NRXN1: variants seen among roughly 807,000 people sequenced by gnomAD.
The protein encoded by NRXN1 is neurexin 1, also known as neurexin-1.
Under a neutral mutation model 150.9 loss-of-function variants are expected in NRXN1, and 39 were observed. The observed-to-expected ratio is 0.26, with a 90% CI of 0.20 to 0.34. The LOEUF (loss-of-function observed/expected upper bound fraction) is 0.34, where lower values mean the gene tolerates loss of function less well. Ranked by LOEUF, NRXN1 falls within the 10% of genes least tolerant of loss-of-function variation. The pLI is 1.00. For missense variants in NRXN1, 1,815 were observed against 1,949.9 expected (o/e 0.93, Z 1.30); for synonymous variants, 924 against 757.0 (o/e 1.22, Z -3.62).
rs1471766988 is a variant in NRXN1 at position 49,975,062 on chromosome 2, ACTT to A, written c.4129-31274_4129-31272del. On this transcript the variant is annotated intron_variant, in intron 21 of 22. Coordinates refer to ENST00000401669, the MANE Select transcript of NRXN1 (RefSeq NM_001330078.2). ...ACTGTAATAACAGATATGTTTACAC[ACTT>A]CTTCAATGTGAGATGATTATATATA... 4.0e-5 allele frequency among the ~76,000 whole-genome samples: 6 copies of A among 151,166 alleles called. No individual in the cohort carries two copies. The East Asian group carries it at 5.8e-4, about 15-fold the overall frequency.
chr2:50,143,909 C>A (rs940128465), intron 18 of NRXN1, among the ~76,000 whole-genome samples: 5 of 151,812 alleles, frequency 3.3e-5, no homozygotes, highest in African/African-American at 1.2e-4. Context: ...TAACGTTACC[C>A]GTATAGAATA....
At chr2:50,193,297 C>T (rs2152824962) in intron 18 of NRXN1, among the ~76,000 whole-genome samples, 1 of 152,306 alleles carries the variant, frequency 6.6e-6, no homozygotes, top group South Asian at 2.1e-4. Context: ...CATAGTTTCT[C>T]TAAATGTATC....
At chr2:51,000,305 T>C (rs190791335) in intron 2 of NRXN1, among the ~76,000 whole-genome samples, 1 of 152,032 alleles carries the variant, frequency 6.6e-6, no homozygotes, top group Admixed American at 6.6e-5. Context: ...ATTTTCTTTA[T>C]AGAGCTTGCC....
intron 2 of NRXN1, among the ~76,000 whole-genome samples, chr2:50,992,071 C>T (rs1698618311): frequency 6.6e-6 from 1 of 151,922 alleles, no homozygotes; most frequent in East Asian, 1.9e-4. Flanking sequence ...CAGTTTCTGT[C>T]CAATCTGCCA....
At chr2:50,537,169 A>C (rs557067746) in intron 10 of NRXN1, among the ~76,000 whole-genome samples, 1 of 152,332 alleles carries the variant, frequency 6.6e-6, no homozygotes, top group East Asian at 1.9e-4. Context: ...GGTTTTCGGC[A>C]AACTGAACTG....
At chr2:50,202,244 C>T (rs896643101) in intron 18 of NRXN1, among the ~76,000 whole-genome samples, 34 of 152,144 alleles carry the variant, frequency 2.2e-4, no homozygotes, top group Middle Eastern at 3.2e-3. Context: ...CGGTGGCTCA[C>T]GCCTGTAATC....
intron 2 of NRXN1, among the ~76,000 whole-genome samples, chr2:50,957,996 T>C (rs183879331): frequency 1.1e-3 from 175 of 152,218 alleles, no homozygotes; most frequent in African/African-American, 4.0e-3. Flanking sequence ...CTCTCTATTG[T>C]CTAAGGAAGT....
At chr2:50,312,571 C>T (rs1290678520) in intron 17 of NRXN1, among the ~76,000 whole-genome samples, 1 of 151,954 alleles carries the variant, frequency 6.6e-6, no homozygotes, top group Non-Finnish European at 1.5e-5. Flanking sequence ...TCAGCTTATT[C>T]TATTAAGTGT....
At chr2:50,977,480 T>C (rs557319601) in intron 2 of NRXN1, among the ~76,000 whole-genome samples, 3 of 152,048 alleles carry the variant, frequency 2.0e-5, no homozygotes, top group African/African-American at 7.2e-5. Context: ...CAAGACCACA[T>C]ATGCCTCAGT....
chr2:50,520,291 G>C (rs1171410939), intron 12 of NRXN1, among the ~76,000 whole-genome samples: 2 of 151,630 alleles, frequency 1.3e-5, no homozygotes, highest in Non-Finnish European at 3.0e-5. Context: ...AGGAAATTTA[G>C]CCTGTAAATT....
intron 18 of NRXN1, among the ~76,000 whole-genome samples, chr2:50,198,203 A>C (rs1250600008): frequency 6.6e-6 from 1 of 152,154 alleles, no homozygotes; most frequent in East Asian, 1.9e-4. Context: ...AAGAATAAAG[A>C]ATCTAGCAGT....
chr2:50,450,385 A>G (rs1324260606), intron 17 of NRXN1, among the ~76,000 whole-genome samples: 1 of 152,040 alleles, frequency 6.6e-6, no homozygotes, highest in Non-Finnish European at 1.5e-5. Context: ...CTGAGTATAT[A>G]TTAAACACCA....
At chr2:50,447,773 AT>A (rs2086585922) in intron 17 of NRXN1, among the ~76,000 whole-genome samples, 1 of 107,426 alleles carries the variant, frequency 9.3e-6, no homozygotes, top group Non-Finnish European at 1.9e-5. Context: ...ATATATATAT[AT>A]ATATACCTAA....
chr2:50,025,328 G>C (rs1439834824), intron 21 of NRXN1, among the ~76,000 whole-genome samples: 2 of 152,198 alleles, frequency 1.3e-5, no homozygotes, highest in Non-Finnish European at 2.9e-5. Flanking sequence ...TTGGGGAACA[G>C]TAGCAAATAT....
intron 18 of NRXN1, among the ~76,000 whole-genome samples, chr2:50,114,524 T>A (rs920953654): frequency 1.3e-5 from 2 of 152,170 alleles, no homozygotes; most frequent in African/African-American, 4.8e-5. Context: ...CCAGAAGAGC[T>A]GAGAATTTAT....
intron 17 of NRXN1, among the ~76,000 whole-genome samples, chr2:50,362,574 A>G (rs1183164861): frequency 2.6e-5 from 4 of 152,090 alleles, no homozygotes; most frequent in East Asian, 1.9e-4. Flanking sequence ...CTACAAACCA[A>G]TGCTCAAGGA....
chr2:50,812,446 T>C (rs986335118), intron 5 of NRXN1, among the ~76,000 whole-genome samples: 4 of 152,170 alleles, frequency 2.6e-5, no homozygotes, highest in African/African-American at 7.2e-5. Context: ...TGCAAAGGCA[T>C]AGAAAATTTG....
At chr2:50,635,167 T>TC (rs1264883453) in intron 5 of NRXN1, among the ~76,000 whole-genome samples, 2 of 148,764 alleles carry the variant, frequency 1.3e-5, no homozygotes, top group Non-Finnish European at 3.0e-5. Context: ...AAATTCTTCT[T>TC]TTTTTTTTTT....
At chr2:49,938,848 T>C (rs967975465) in intron 22 of NRXN1, among the ~76,000 whole-genome samples, 1 of 152,170 alleles carries the variant, frequency 6.6e-6, no homozygotes, top group African/African-American at 2.4e-5. Context: ...AACTCACCTT[T>C]TTAAAACTTC....
Sources: gnomAD v4.1 joint callset for allele counts (sites outside exome capture counted in the v4.1 genomes callset) on GRCh38, gnomAD v4.1.1 for gene constraint, MANE v1.5 for transcripts, NCBI Gene and HGNC (gene_info 2026-07-23, HGNC 2026-07-21) for gene names.